TRA2B: variants seen among roughly 807,000 people sequenced by gnomAD.
TRA2B encodes the protein transformer 2 beta homolog, also known as transformer-2 protein homolog beta.
Under a neutral mutation model 41.7 loss-of-function variants are expected in TRA2B, and 14 were observed. The observed-to-expected ratio is 0.34, with a 90% CI of 0.22 to 0.53. The LOEUF (loss-of-function observed/expected upper bound fraction) is 0.53. TRA2B is among the 20% of genes least tolerant of loss of function. TRA2B has a pLI of 0.95. For synonymous variants in TRA2B, 130 were observed against 128.8 expected, an observed-to-expected ratio of 1.01 and a Z score of -0.06; for missense variants, 167 against 396.8, an observed-to-expected ratio of 0.42 and a Z score of 4.92.
intron 6 of TRA2B, among the ~76,000 whole-genome samples, chr3:185,919,782 T>C (rs937689754): frequency 5.9e-5 from 9 of 151,540 alleles, no homozygotes; most frequent in Admixed American, 3.3e-4. Flanking sequence ...TACCATTCAA[T>C]AGAGTGATGC....
At chr3:185,932,131 G>A (rs774737309) in intron 1 of TRA2B, among the ~76,000 whole-genome samples, 1 of 152,042 alleles carries the variant, frequency 6.6e-6, no homozygotes, top group Non-Finnish European at 1.5e-5. Context: ...AACATTTTAA[G>A]AACTATTAGT....
At chr3:185,924,834 G>GT (rs1743882860) in intron 3 of TRA2B, 1 of 152,144 alleles carries the variant, frequency 6.6e-6, no homozygotes. Context: ...CAAGAGGAAA[G>GT]AATAAAGAGT....
At chr3:185,933,593 A>G (rs2150119151) in intron 1 of TRA2B, among the ~76,000 whole-genome samples, 1 of 152,294 alleles carries the variant, frequency 6.6e-6, no homozygotes, top group African/African-American at 2.4e-5. Context: ...AGGGGCAAAG[A>G]AAACCTCATT....
intron 4 of TRA2B, 115 bp downstream of exon 4, chr3:185,923,681 G>T: frequency 1.0e-6 from 1 of 994,648 alleles, no homozygotes; most frequent in Non-Finnish European, 1.4e-6. Context: ...AGAGGTTGGA[G>T]AAAAAGTTCG....
intron 1 of TRA2B, chr3:185,935,694 C>T (rs1418346725): frequency 1.0e-6 from 1 of 985,334 alleles, no homozygotes; most frequent in Non-Finnish European, 1.2e-6. Context: ...ACAGGCATGT[C>T]TAAGATCAAG....
rs1185308007 is a variant in TRA2B, at chr3:185,914,769, TAATA to T, written c.*2942_*2945del. Among the ~76,000 whole-genome samples the T allele has an allele frequency of 1.3e-5, 2 of 152,042 alleles. No individual in the cohort carries two copies. The highest frequency in any genetic ancestry group is 2.9e-5 in the Non-Finnish European group (2 of 68,022). On this transcript the variant is annotated 3_prime_UTR_variant, in exon 9 of 9. Coordinates refer to ENST00000453386, the MANE Select transcript of TRA2B (RefSeq NM_004593.3). ...GGAATATTGGAGGCGTGTCCACTGC[TAATA>T]AATCCAGCCTAATCCATCCTCAAAA... is the stretch of plus-strand genomic sequence containing the variant.
intron 1 of TRA2B, chr3:185,937,545 G>T: frequency 1.0e-6 from 1 of 1,004,894 alleles, no homozygotes; most frequent in Non-Finnish European, 1.3e-6. Flanking sequence ...CGGGGACGCA[G>T]CGGCCATTTT....
intron 5 of TRA2B, 116 bp from the exon 6 acceptor site, chr3:185,921,303 A>G: frequency 2.4e-6 from 2 of 846,076 alleles, no homozygotes; most frequent in South Asian, 2.9e-5. Flanking sequence ...ATTCCTGTTA[A>G]AATTCTCACC....
Position 185,916,614 on chromosome 3 carries a change from C to A in TRA2B, c.*1101G>T, listed in dbSNP as rs575083843. The A allele has an allele frequency of 6.6e-6, 1 of 152,506 alleles. No individual in the cohort carries two copies. The highest frequency in any genetic ancestry group is 1.5e-5 in the Non-Finnish European group (1 of 68,040). The allele number at this position is 152,506 out of a possible 1,614,324, so 9.4% of individuals were successfully genotyped here. On this transcript the variant is annotated 3_prime_UTR_variant, in exon 9 of 9. Transcript: ENST00000453386. The stretch of plus-strand genomic sequence containing the variant: ...TCCAGGAATACAGAAATTCATCCCC[C>A]CCTCAACCCAGCCCAAAATAGCAAA...
intron 1 of TRA2B, among the ~76,000 whole-genome samples, chr3:185,931,024 G>T (rs1207460073): frequency 6.6e-6 from 1 of 152,010 alleles, no homozygotes; most frequent in Non-Finnish European, 1.5e-5. Context: ...TTAAATTTAG[G>T]GCCCAAATGC....
At chr3:185,925,775 C>G (rs1743924473) in intron 2 of TRA2B, 149 bp from the exon 3 acceptor site, 1 of 811,970 alleles carries the variant, frequency 1.2e-6, no homozygotes, top group African/African-American at 1.8e-5. Flanking sequence ...CTTTTCTTCT[C>G]TAATTATTTA....
At chr3:185,935,944 A>T in intron 1 of TRA2B, 1 of 985,414 alleles carries the variant, frequency 1.0e-6, no homozygotes, top group African/African-American at 1.7e-5. Flanking sequence ...TCCCTCTACA[A>T]TTCAAAGATT....
intron 6 of TRA2B, among the ~76,000 whole-genome samples, chr3:185,919,883 T>G (rs928086959): frequency 2.0e-5 from 3 of 152,114 alleles, no homozygotes; most frequent in Non-Finnish European, 2.9e-5. Context: ...AACTGTTAAC[T>G]TCTTAAACAT....
At chr3:185,932,077 T>G (rs918722231) in intron 1 of TRA2B, among the ~76,000 whole-genome samples, 1 of 152,176 alleles carries the variant, frequency 6.6e-6, no homozygotes, top group African/African-American at 2.4e-5. Flanking sequence ...TTATCATGCT[T>G]AAGTTGAATG....
At chr3:185,922,294 A>G (rs917282498) in intron 4 of TRA2B, 168 bp from the exon 5 acceptor site, 25 of 436,484 alleles carry the variant, frequency 5.7e-5, no homozygotes, top group Admixed American at 2.1e-4. Context: ...CCTCTACTAA[A>G]TGTTCATTTG....
chr3:185,936,451 A>G, intron 1 of TRA2B: 1 of 985,452 alleles, frequency 1.0e-6, no homozygotes, highest in Non-Finnish European at 1.2e-6. Flanking sequence ...GAGTATGTAA[A>G]CGCAAGGCTT....
intron 5 of TRA2B, 61 bp from the exon 6 acceptor site, chr3:185,921,248 C>A (rs541721572): frequency 1.4e-6 from 2 of 1,421,254 alleles, no homozygotes; most frequent in African/African-American, 2.8e-5. Context: ...GTTTTTATAT[C>A]TACTAGTAGG....
At chr3:185,933,016 T>A (rs1405910925) in intron 1 of TRA2B, among the ~76,000 whole-genome samples, 2 of 152,206 alleles carry the variant, frequency 1.3e-5, no homozygotes, top group African/African-American at 2.4e-5. Context: ...CGAAAATTTT[T>A]AAATATGTTT....
At position 185,914,738 on chromosome 3, in the gene TRA2B, G is replaced by A. The variant is rs1457349778; in HGVS notation, c.*2977C>T. Among the ~76,000 whole-genome samples, 1 of 151,360 alleles carries A rather than the reference G, an allele frequency of 6.6e-6. No individual in the cohort carries two copies. The highest frequency in any genetic ancestry group is 1.5e-5 in the Non-Finnish European group (1 of 67,986). ...CAATCAAAATCCACTGAGATGGCAT[G>A]CTGAAGGAATATTGGAGGCGTGTCC... On this transcript the variant is annotated 3_prime_UTR_variant, in exon 9 of 9. Transcript: ENST00000453386.
Sources: allele counts gnomAD v4.1 joint callset (sites outside exome capture counted in the v4.1 genomes callset), GRCh38; gene constraint gnomAD v4.1.1; transcripts MANE v1.5; gene names NCBI Gene and HGNC (gene_info 2026-07-23, HGNC 2026-07-21).